BTK: variants seen among roughly 807,000 people sequenced by gnomAD.
BTK encodes tyrosine-protein kinase BTK.
In BTK, 5 loss-of-function variants were observed where a neutral mutation model predicts 57.4. That is an observed-to-expected ratio of 0.09 (90% CI 0.05 to 0.18). BTK has a LOEUF of 0.18. BTK is among the 10% of genes least tolerant of loss of function. The probability of loss-of-function intolerance (pLI) is 1.00; values close to 1 mark genes in which losing one functional copy is unlikely to be tolerated. For synonymous variants in BTK, 154 were observed against 174.3 expected, an observed-to-expected ratio of 0.88 and a Z score of 0.92; for missense variants, 194 against 501.2, an observed-to-expected ratio of 0.39 and a Z score of 5.85.
upstream of BTK, among the ~76,000 whole-genome samples, chrX:101,387,047 C>T: frequency 8.9e-6 from 1 of 111,882 alleles, no homozygotes; most frequent in African/African-American, 3.3e-5. Flanking sequence ...TCTGCCTGCC[C>T]ACCTTGACAC....
chrX:101,355,558 T>TCGGTGGTCGCCGGATCA, intron 15 of BTK: 1 of 122,263 alleles, frequency 8.2e-6, no homozygotes, highest in African/African-American at 3.3e-5. Flanking sequence ...CGGTGTAGAT[T>TCGGTGGTCGCCGGATCA]TTCAAGAGAA....
chrX:101,381,295 C>T (rs189329394), intron 1 of BTK, among the ~76,000 whole-genome samples: 40 of 111,705 alleles, frequency 3.6e-4, no homozygotes, highest in African/African-American at 1.3e-3. Flanking sequence ...AATGAATTCT[C>T]AGTTACTTAG....
chrX:101,359,660 T>C (rs536338421), intron 9 of BTK, among the ~76,000 whole-genome samples: 4 of 109,900 alleles, frequency 3.6e-5, no homozygotes, highest in African/African-American at 1.3e-4. Flanking sequence ...AGTTTGACAT[T>C]TTAATTCTTT....
At chrX:101,371,096 G>C (rs1327520975) in intron 4 of BTK, among the ~76,000 whole-genome samples, 1 of 112,227 alleles carries the variant, frequency 8.9e-6, no homozygotes, top group Non-Finnish European at 1.9e-5. Flanking sequence ...GGCCTACAGA[G>C]TTCTCAGGAT....
intron 2 of BTK, 134 bp downstream of exon 2, chrX:101,375,010 T>C: frequency 1.3e-6 from 1 of 756,325 alleles, no homozygotes. Context: ...GGAAATATTT[T>C]GCTGAATTTG....
At chrX:101,379,691 A>T (rs1331446309) in intron 1 of BTK, among the ~76,000 whole-genome samples, 1 of 111,627 alleles carries the variant, frequency 9.0e-6, no homozygotes, top group African/African-American at 3.3e-5. Flanking sequence ...GTCATTCTCC[A>T]TGGCTATCAT....
At chrX:101,385,034 T>C (rs1401178724) in intron 1 of BTK, among the ~76,000 whole-genome samples, 3 of 111,464 alleles carry the variant, frequency 2.7e-5, no homozygotes, top group African/African-American at 9.8e-5. Flanking sequence ...AAGCTTTACA[T>C]GTATTTGCAC....
intron 13 of BTK, 73 bp downstream of exon 13, chrX:101,357,436 C>T: frequency 1.0e-6 from 1 of 986,582 alleles, no homozygotes; most frequent in Non-Finnish European, 1.4e-6. Context: ...AAGGACACTC[C>T]CTAAGGCAAG....
chrX:101,355,839 C>T (rs986834158), intron 15 of BTK: 1 of 461,493 alleles, frequency 2.2e-6, no homozygotes, highest in South Asian at 3.0e-5. Flanking sequence ...AGTGACTGCT[C>T]TGATTCCCAC....
intron 13 of BTK, among the ~76,000 whole-genome samples, chrX:101,357,268 TA>T (rs1325592513): frequency 1.8e-5 from 2 of 111,536 alleles, no homozygotes; most frequent in Non-Finnish European, 3.8e-5. Context: ...CAATTAAAAA[TA>T]AAAGACAAAA....
chrX:101,362,382 C>T, intron 6 of BTK, 142 bp from the exon 7 acceptor site: 1 of 988,506 alleles, frequency 1.0e-6, no homozygotes, highest in Non-Finnish European at 1.4e-6. Flanking sequence ...GGTCACATAG[C>T]TTGGAGAGCA....
chrX:101,374,688 C>T (rs950188384), intron 2 of BTK, 54 bp from the exon 3 acceptor site: 37 of 1,005,455 alleles, frequency 3.7e-5, no homozygotes, highest in Non-Finnish European at 4.8e-5. Context: ...GATTAAGCAA[C>T]CAGATGATTA....
rs782626687 is a variant in BTK, at chrX:101,370,075, A to G, written c.314T>C (p.Val105Ala). ...IERFPYPFQV[V>A]YDEGPLYVFS... ...GACGTAGAGAGGCCCTTCATCATAT[A>G]CAACCTGGGTCGATGAAAACACAGA... Residue 105 changes from valine (V) to alanine (A), a missense_variant, in exon 5 of 19, where the codon GTA (valine) becomes GCA (alanine). Around this residue, in one of 3 missense-constraint regions of BTK, gnomAD observed 115 missense variants for 258.3 expected, o/e 0.45. Coordinates refer to ENST00000308731, the MANE Select transcript of BTK (RefSeq NM_000061.3). The G allele has an allele frequency of 1.7e-6, 2 of 1,205,199 alleles. No homozygotes were observed. Among genetic ancestry groups the G allele is most frequent in the African/African-American group, 1.8e-5 (1 of 57,106 alleles).
At chrX:101,353,143 G>A (rs1555977320) in intron 18 of BTK, 51 bp downstream of exon 18, 3 of 1,141,258 alleles carry the variant, frequency 2.6e-6, no homozygotes, top group Admixed American at 4.4e-5. Flanking sequence ...CCAGCTAAAT[G>A]GGCAAGTAGA....
chrX:101,364,144 C>T (rs927442324), intron 5 of BTK, among the ~76,000 whole-genome samples: 5 of 108,803 alleles, frequency 4.6e-5, no homozygotes, highest in East Asian at 2.9e-4. Flanking sequence ...TGTGGTGGCT[C>T]GCACCTGTAA....
chrX:101,362,516 G>A (rs1389687965), intron 6 of BTK, 45 bp downstream of exon 6: 3 of 1,207,928 alleles, frequency 2.5e-6, no homozygotes, highest in Non-Finnish European at 3.4e-6. Context: ...GAGAGTGATG[G>A]AAACAGTCAA....
At chrX:101,359,251 T>C (rs782350575) in intron 10 of BTK, 42 bp downstream of exon 10, 1 of 1,196,988 alleles carries the variant, frequency 8.4e-7, no homozygotes, top group Non-Finnish European at 1.1e-6. Context: ...AGATCCTCAC[T>C]TATGCAAGGA....
At chrX:101,367,639 A>C (rs1465376499) in intron 5 of BTK, among the ~76,000 whole-genome samples, 1 of 58,786 alleles carries the variant, frequency 1.7e-5, no homozygotes, top group African/African-American at 1.0e-4. Flanking sequence ...TCCATCTCAA[A>C]ATAAATAAAT....
intron 4 of BTK, among the ~76,000 whole-genome samples, chrX:101,371,078 C>T (rs939644721): frequency 1.8e-5 from 2 of 112,193 alleles, no homozygotes; most frequent in Admixed American, 9.5e-5. Context: ...GCTATATTCA[C>T]GACATGTGGC....
Sources: gnomAD v4.1 joint callset for allele counts (sites outside exome capture counted in the v4.1 genomes callset) on GRCh38, gnomAD v4.1.1 for gene constraint, gnomAD v4.1.1 regional missense constraint, MANE v1.5 for transcripts, NCBI Gene and HGNC (gene_info 2026-07-23, HGNC 2026-07-21) for gene names.